The following ARAP2 variants were observed in gnomAD, a reference collection of about 807,000 sequenced individuals.
ARAP2 encodes arf-GAP with Rho-GAP domain, ANK repeat and PH domain-containing protein 2.
ARAP2 carries 148 observed loss-of-function variants against 194.5 expected under a neutral mutation model. The observed-to-expected ratio is 0.76, with a 90% confidence interval of 0.67 to 0.87. ARAP2 has a LOEUF of 0.87. Ranked by LOEUF, ARAP2 falls within the 40% of genes least tolerant of loss-of-function variation. ARAP2 has a pLI of 0.00. For missense variants in ARAP2, 2,128 were observed against 1,989.7 expected (o/e 1.07, Z -1.32); for synonymous variants, 695 against 683.5 (o/e 1.02, Z -0.26).
chr4:36,205,400 T>G (rs11733590), intron 6 of ARAP2, among the ~76,000 whole-genome samples: 132,300 of 152,128 alleles, frequency 0.87, 57,691 homozygotes, highest in East Asian at 0.95. Context: ...AGGTTGGAGG[T>G]AAGAAATGTC....
chr4:36,108,612 T>G (rs1275038096), intron 26 of ARAP2, among the ~76,000 whole-genome samples: 1 of 151,990 alleles, frequency 6.6e-6, no homozygotes, highest in East Asian at 1.9e-4. Flanking sequence ...TGAAGAATAT[T>G]CATCCATACA....
intron 5 of ARAP2, among the ~76,000 whole-genome samples, chr4:36,026,460 G>A (rs1018695538): frequency 2.0e-5 from 3 of 152,112 alleles, no homozygotes; most frequent in Non-Finnish European, 4.4e-5. Flanking sequence ...AGGCACAGTG[G>A]GTGCTCAATA....
At chr4:36,179,265 A>C (rs189249368) in intron 8 of ARAP2, among the ~76,000 whole-genome samples, 70 of 152,360 alleles carry the variant, frequency 4.6e-4, no homozygotes, top group African/African-American at 1.6e-3. Context: ...ATGACTAATG[A>C]GGAATTAAGG....
intron 6 of ARAP2, among the ~76,000 whole-genome samples, chr4:36,016,760 G>A (rs950336739): frequency 3.9e-5 from 6 of 152,180 alleles, no homozygotes; most frequent in Admixed American, 6.6e-5. Context: ...GCTTGAAAAC[G>A]TGAGATAAAT....
intron 21 of ARAP2, among the ~76,000 whole-genome samples, chr4:36,127,505 T>A (rs1225364751): frequency 1.6e-4 from 24 of 151,996 alleles, no homozygotes; most frequent in Admixed American, 1.6e-3. Flanking sequence ...GTGACATCAT[T>A]TGAAAATTAA....
chr4:36,073,762 G>A lies in ARAP2; in HGVS notation c.4670C>T (p.Pro1557Leu), dbSNP rs1727591834. ...KERKRSITKN[P>L]KIGGLPLIPI... ...AATCAGAGGCAAACCTCCAATTTTG[G>A]GATTTTTGGTTATTGAACGTTTTCG... The change falls in exon 32 of 33, where the codon CCC (proline) becomes CTC (leucine). Residue 1557 changes from proline (P) to leucine (L), a missense_variant. Coordinates refer to ENST00000303965, the MANE Select transcript of ARAP2 (RefSeq NM_015230.4). 1 of 1,613,190 alleles carries A rather than the reference G, an allele frequency of 6.2e-7. No individual in the cohort carries two copies.
At chr4:36,092,341 G>A (rs531714880) in intron 27 of ARAP2, among the ~76,000 whole-genome samples, 3 of 152,140 alleles carry the variant, frequency 2.0e-5, no homozygotes, top group African/African-American at 7.2e-5. Context: ...TGGGCGCAGT[G>A]GCTCACACCT....
intron 9 of ARAP2, among the ~76,000 whole-genome samples, chr4:36,011,975 G>C (rs1425978556): frequency 6.6e-6 from 1 of 152,120 alleles, no homozygotes. Context: ...GCAGGGATGT[G>C]TTAGATTTAT....
At chr4:36,151,311 G>A (rs938699871) in intron 15 of ARAP2, among the ~76,000 whole-genome samples, 1 of 152,136 alleles carries the variant, frequency 6.6e-6, no homozygotes, top group Non-Finnish European at 1.5e-5. Context: ...CTGTAAAGAG[G>A]TTGCTGAAAA....
chr4:36,041,850 G>T (rs1446506528), intron 5 of ARAP2, among the ~76,000 whole-genome samples: 1 of 152,116 alleles, frequency 6.6e-6, no homozygotes, highest in Non-Finnish European at 1.5e-5. Flanking sequence ...GCCATAAAAA[G>T]AATGAGATCA....
chr4:36,017,884 C>T (rs919699707), intron 6 of ARAP2, among the ~76,000 whole-genome samples: 1 of 152,004 alleles, frequency 6.6e-6, no homozygotes, highest in African/African-American at 2.4e-5. Context: ...CAAGAGATGA[C>T]AGTGACTGGA....
rs112504692 is a variant in ARAP2 at position 36,082,299 on chromosome 4, G to GAAA, written c.4509-16_4509-14dup. The GAAA allele has an allele frequency of 1.3e-6, 2 of 1,568,696 alleles. No individual in the cohort carries two copies. Among genetic ancestry groups the GAAA allele is most frequent in the African/African-American group, 2.8e-5 (2 of 72,618 alleles). On this transcript the variant is annotated splice_polypyrimidine_tract_variant and intron_variant, in intron 29 of 32. Transcript: ENST00000303965. Reference sequence around the variant, plus strand: ...GGTCAATCCCCAGCTGCATCACATAGAAAAAAAAACACACATAAATTAAAA... The same window carrying GAAA: ...GGTCAATCCCCAGCTGCATCACATAGAAAAAAAAAAAACACACATAAATTAAAA...
chr4:36,221,452 C>T (rs1015663733), intron 2 of ARAP2, among the ~76,000 whole-genome samples: 5 of 152,022 alleles, frequency 3.3e-5, no homozygotes, highest in African/African-American at 1.2e-4. Flanking sequence ...TCATAAGTAA[C>T]TGATCTGAGA....
rs115174089 is a variant in ARAP2 at position 36,068,608 on chromosome 4, C to A, written c.4744-330G>T. Among the ~76,000 whole-genome samples the A allele has an allele frequency of 3.9e-3, 591 of 152,272 alleles. 3 individuals are homozygous for A. The highest frequency in any genetic ancestry group is 0.014 in the African/African-American group (563 of 41,560). On this transcript the variant is annotated intron_variant, in intron 32 of 32. Transcript: ENST00000303965. Reference sequence around the variant, plus strand: ...CCGGTTAGTGATGCGCGGTAGGACACTCTCTCGTGATGATGGGCAGTGGCA... The same window carrying A: ...CCGGTTAGTGATGCGCGGTAGGACAATCTCTCGTGATGATGGGCAGTGGCA...
chr4:36,221,197 T>C (rs1171369467), intron 2 of ARAP2, among the ~76,000 whole-genome samples: 2 of 152,080 alleles, frequency 1.3e-5, no homozygotes, highest in African/African-American at 4.8e-5. Flanking sequence ...AGCCTCGGTG[T>C]GTAATAGGCT....
intron 2 of ARAP2, among the ~76,000 whole-genome samples, 161 bp from the exon 3 acceptor site, chr4:36,214,641 T>C (rs1464580039): frequency 6.6e-6 from 1 of 152,160 alleles, no homozygotes; most frequent in Non-Finnish European, 1.5e-5. Context: ...GAAAAAACAA[T>C]ATTCAGAAAT....
chr4:36,145,944 C>T (rs1419279814), intron 19 of ARAP2, among the ~76,000 whole-genome samples: 2 of 152,076 alleles, frequency 1.3e-5, no homozygotes, highest in Non-Finnish European at 1.5e-5. Context: ...TTTAGACATG[C>T]GTATTCAACC....
chr4:36,092,256 A>G (rs1713889998), intron 27 of ARAP2, among the ~76,000 whole-genome samples: 1 of 152,180 alleles, frequency 6.6e-6, no homozygotes. Context: ...TGTGGTTAGT[A>G]TAGGTTGAGA....
At chr4:36,128,883 T>C (rs1014999331) in intron 20 of ARAP2, 138 bp from the exon 21 acceptor site, 11 of 708,342 alleles carry the variant, frequency 1.6e-5, no homozygotes, top group Non-Finnish European at 2.3e-5. Flanking sequence ...TAAACATGCA[T>C]GAGCAGGAAA....
Sources: allele counts gnomAD v4.1 joint callset (sites outside exome capture counted in the v4.1 genomes callset), GRCh38; gene constraint gnomAD v4.1.1; transcripts MANE v1.5; gene names NCBI Gene and HGNC (gene_info 2026-07-23, HGNC 2026-07-21).